The following UBE3D variants were observed in gnomAD, a reference collection of about 807,000 sequenced individuals.
The protein encoded by UBE3D is ubiquitin protein ligase E3D.
Under a neutral mutation model 49.6 loss-of-function variants are expected in UBE3D, and 48 were observed. That is an observed-to-expected ratio of 0.97 (90% CI 0.77 to 1.23). The LOEUF is 1.23. UBE3D is among the 50% of genes most tolerant of loss of function. The pLI, the probability that UBE3D is intolerant of heterozygous loss-of-function variation, is 0.00. For missense variants in UBE3D, 452 were observed against 468.4 expected, an observed-to-expected ratio of 0.96 and a Z score of 0.32; for synonymous variants, 189 against 174.2, an observed-to-expected ratio of 1.08 and a Z score of -0.67.
At chr6:83,038,337 T>C in intron 5 of UBE3D, 79 bp downstream of exon 5, 3 of 1,151,084 alleles carry the variant, frequency 2.6e-6, no homozygotes, top group African/African-American at 1.6e-5. Flanking sequence ...CTATCTTTCC[T>C]ATATATTTAC....
At chr6:82,987,627 T>C (rs890764361) in intron 8 of UBE3D, among the ~76,000 whole-genome samples, 2 of 152,192 alleles carry the variant, frequency 1.3e-5, no homozygotes, top group African/African-American at 4.8e-5. Flanking sequence ...ATGATGCTAG[T>C]GTGGGTGTAA....
chr6:82,956,802 T>C (rs569797660), intron 9 of UBE3D, among the ~76,000 whole-genome samples: 1 of 152,256 alleles, frequency 6.6e-6, no homozygotes, highest in South Asian at 2.1e-4. Context: ...CGTAGTCAAT[T>C]CTGAGCATCT....
At chr6:83,021,593 G>A (rs757447393) in intron 7 of UBE3D, among the ~76,000 whole-genome samples, 4 of 151,874 alleles carry the variant, frequency 2.6e-5, no homozygotes, top group Admixed American at 6.6e-5. Context: ...TTGGCTGGGC[G>A]TGGTGGCTCA....
chr6:83,028,711 T>C (rs1187762910), intron 5 of UBE3D, among the ~76,000 whole-genome samples: 1 of 152,188 alleles, frequency 6.6e-6, no homozygotes, highest in Non-Finnish European at 1.5e-5. Context: ...TTTCCCTGAT[T>C]TTTATTCCTT....
At chr6:83,051,285 C>T (rs1052456575) in intron 3 of UBE3D, among the ~76,000 whole-genome samples, 1 of 152,196 alleles carries the variant, frequency 6.6e-6, no homozygotes. Flanking sequence ...TTCTCCTGCT[C>T]CTGCCTCCAG....
At position 83,014,786 on chromosome 6, in the gene UBE3D, G is replaced by A. The variant is rs368735708; in HGVS notation, c.1010+4187C>T. Reference sequence around the variant, plus strand: ...GAGGGGTCCTTCCTCAAGGGGACCCGGACTCCCCTTCATTCAAGGGGTTCT... The same window carrying A: ...GAGGGGTCCTTCCTCAAGGGGACCCAGACTCCCCTTCATTCAAGGGGTTCT... On this transcript the variant is annotated intron_variant, in intron 8 of 9. Coordinates refer to ENST00000369747, the MANE Select transcript of UBE3D (RefSeq NM_198920.3). Among the ~76,000 whole-genome samples, 10 of 152,064 alleles carry A rather than the reference G, an allele frequency of 6.6e-5. No homozygotes were observed. The East Asian group carries it at 7.7e-4, about 12-fold the overall frequency.
intron 5 of UBE3D, among the ~76,000 whole-genome samples, chr6:83,035,241 C>T (rs1232995941): frequency 6.6e-6 from 1 of 151,988 alleles, no homozygotes; most frequent in Admixed American, 6.5e-5. Context: ...ATCTAGGCTG[C>T]TATCCTGTAG....
chr6:82,902,216 C>T (rs888866996), intron 9 of UBE3D, among the ~76,000 whole-genome samples: 21 of 152,140 alleles, frequency 1.4e-4, no homozygotes, highest in East Asian at 5.8e-4. Context: ...TAGAGCCATT[C>T]GAGAAAACAG....
intron 5 of UBE3D, among the ~76,000 whole-genome samples, chr6:83,029,827 A>AT (rs1235962296): frequency 3.3e-5 from 5 of 151,496 alleles, no homozygotes; most frequent in South Asian, 2.1e-4. Context: ...CTCAGTTTTA[A>AT]TTTTTTTTTA....
At chr6:83,046,954 C>T (rs1180532844) in intron 3 of UBE3D, among the ~76,000 whole-genome samples, 3 of 152,136 alleles carry the variant, frequency 2.0e-5, no homozygotes, top group Non-Finnish European at 4.4e-5. Flanking sequence ...GAATTAAGGG[C>T]ATCATGGAAG....
At chr6:83,055,607 G>C (rs1783765016) in intron 2 of UBE3D, among the ~76,000 whole-genome samples, 1 of 152,144 alleles carries the variant, frequency 6.6e-6, no homozygotes, top group African/African-American at 2.4e-5. Context: ...TTCAGTTTCT[G>C]ATATAGAGGA....
intron 9 of UBE3D, among the ~76,000 whole-genome samples, chr6:82,941,225 C>T (rs1774988115): frequency 6.6e-6 from 1 of 151,868 alleles, no homozygotes; most frequent in Non-Finnish European, 1.5e-5. Flanking sequence ...AAAACAATTA[C>T]TTTAAAATGT....
At chr6:82,909,944 A>G (rs1772379316) in intron 9 of UBE3D, among the ~76,000 whole-genome samples, 1 of 152,124 alleles carries the variant, frequency 6.6e-6, no homozygotes, top group Non-Finnish European at 1.5e-5. Flanking sequence ...ATCTTGGGGG[A>G]CTAGAAAGGC....
intron 4 of UBE3D, among the ~76,000 whole-genome samples, chr6:83,043,236 C>G (rs888121070): frequency 3.3e-5 from 5 of 152,116 alleles, no homozygotes; most frequent in Non-Finnish European, 7.4e-5. Context: ...CAATCTTTCT[C>G]TACTACTTTT....
chr6:82,988,901 T>C (rs1388368660), intron 8 of UBE3D, among the ~76,000 whole-genome samples: 4 of 150,724 alleles, frequency 2.7e-5, no homozygotes, highest in Non-Finnish European at 5.9e-5. Flanking sequence ...AGTCTCAGAA[T>C]TAAGCCCAAT....
downstream of UBE3D, among the ~76,000 whole-genome samples, chr6:82,891,994 A>C (rs571613209): frequency 1.3e-4 from 20 of 151,196 alleles, no homozygotes; most frequent in African/African-American, 3.4e-4. Context: ...CAGCTGGGCA[A>C]CGAGAGCTAA....
rs568581213 is a variant in UBE3D at position 83,063,725 on chromosome 6, G to A, written c.77+1917C>T. 5.3e-5 allele frequency among the ~76,000 whole-genome samples: 8 copies of A among 152,272 alleles called. No homozygotes were observed. In the South Asian group the frequency reaches 1.7e-3, roughly 32 times the overall value. On this transcript the variant is annotated intron_variant, in intron 1 of 9. Coordinates refer to ENST00000369747, the MANE Select transcript of UBE3D (RefSeq NM_198920.3). ...TAGAATGGTTCAAACTAAAAGGACT[G>A]ATAATACTAAATGTAAGTCAAAATG... is the stretch of plus-strand genomic sequence containing the variant.
intron 8 of UBE3D, among the ~76,000 whole-genome samples, chr6:83,002,598 T>C (rs1056592767): frequency 6.6e-6 from 1 of 152,166 alleles, no homozygotes; most frequent in South Asian, 2.1e-4. Flanking sequence ...GGCAGGAGAA[T>C]CACTTGAACA....
chr6:83,029,497 T>C (rs1423128321), intron 5 of UBE3D, among the ~76,000 whole-genome samples: 1 of 152,218 alleles, frequency 6.6e-6, no homozygotes, highest in African/African-American at 2.4e-5. Context: ...GTTCAAAGCT[T>C]TTCTTAAAAA....
Sources: gnomAD v4.1 joint callset for allele counts (sites outside exome capture counted in the v4.1 genomes callset) on GRCh38, gnomAD v4.1.1 for gene constraint, MANE v1.5 for transcripts, NCBI Gene and HGNC (gene_info 2026-07-23, HGNC 2026-07-21) for gene names.